Variants in CFAP47 observed in about 807,000 individuals in gnomAD.
The protein encoded by CFAP47 is cilia and flagella associated protein 47, also known as cilia- and flagella-associated protein 47.
CFAP47 carries 29 observed loss-of-function variants against 148.1 expected under a neutral mutation model. The ratio of observed to expected loss-of-function variants is 0.20; its 90% confidence interval spans 0.15 to 0.27. The LOEUF (loss-of-function observed/expected upper bound fraction) is 0.27, where lower values mean the gene tolerates loss of function less well. Among genes scored for constraint, CFAP47 ranks in the 10% least tolerant of loss-of-function variants. The pLI is 1.00. For missense variants in CFAP47, 1,872 were observed against 1,697.5 expected (o/e 1.10, Z -1.81); for synonymous variants, 664 against 577.3 (o/e 1.15, Z -2.15).
intron 39 of CFAP47, among the ~76,000 whole-genome samples, chrX:36,166,436 C>T (rs1421981346): frequency 9.0e-6 from 1 of 111,090 alleles, no homozygotes; most frequent in Non-Finnish European, 1.9e-5. Context: ...CCAAAATTTC[C>T]ATTTGTTTCT....
intron 33 of CFAP47, among the ~76,000 whole-genome samples, chrX:36,131,925 A>G (rs1208388152): frequency 1.8e-5 from 2 of 111,194 alleles, no homozygotes; most frequent in Non-Finnish European, 3.8e-5. Context: ...TTAAAAGAAG[A>G]TAGTAGTGAT....
At chrX:36,131,860 A>G (rs1005920735) in intron 33 of CFAP47, among the ~76,000 whole-genome samples, 1 of 111,121 alleles carries the variant, frequency 9.0e-6, no homozygotes, top group Non-Finnish European at 1.9e-5. Flanking sequence ...GAAGAGAGAA[A>G]TGAGAAGTGA....
At chrX:36,119,562 G>T (rs1938702736) in intron 33 of CFAP47, among the ~76,000 whole-genome samples, 1 of 111,368 alleles carries the variant, frequency 9.0e-6, no homozygotes, top group Admixed American at 9.6e-5. Flanking sequence ...TATCAGGGTA[G>T]TATTGGCCTT....
chrX:35,976,856 G>A (rs774621920), intron 15 of CFAP47, among the ~76,000 whole-genome samples: 2 of 111,427 alleles, frequency 1.8e-5, no homozygotes, highest in Non-Finnish European at 3.8e-5. Context: ...TACCATTTTT[G>A]ACGTGCCCTG....
rs190968618 is a variant in CFAP47, at chrX:36,277,621, G to A, written c.7445-2866G>A. On this transcript the variant is annotated intron_variant, in intron 49 of 63. Transcript: ENST00000378653. ...TACAAATAAAACAGAAACAAAATTT[G>A]TATGAAGCAATACTTTCTTTACTAT... Among the ~76,000 whole-genome samples the A allele has an allele frequency of 1.9e-3, 219 of 112,333 alleles. 1 individual carries two copies. Among genetic ancestry groups the A allele is most frequent in the African/African-American group, 6.4e-3 (198 of 30,927 alleles).
chrX:36,377,932 AT>A (rs1158525907), intron 62 of CFAP47, among the ~76,000 whole-genome samples: 1 of 111,854 alleles, frequency 8.9e-6, no homozygotes, highest in East Asian at 2.8e-4. Context: ...GCCCGAAGTC[AT>A]CCATCTAAAT....
At chrX:36,125,159 ATAAT>A (rs1008577651) in intron 33 of CFAP47, among the ~76,000 whole-genome samples, 14 of 112,077 alleles carry the variant, frequency 1.2e-4, no homozygotes, top group African/African-American at 4.5e-4. Flanking sequence ...TTTTTGTATG[ATAAT>A]TTATTTAAAA....
chrX:36,318,430 A>T (rs1941453687), intron 56 of CFAP47, among the ~76,000 whole-genome samples: 1 of 111,892 alleles, frequency 8.9e-6, no homozygotes, highest in South Asian at 3.7e-4. Flanking sequence ...AGAACCCCCA[A>T]GGATATCACA....
At chrX:36,275,316 C>T (rs1326656839) in intron 49 of CFAP47, among the ~76,000 whole-genome samples, 4 of 109,827 alleles carry the variant, frequency 3.6e-5, no homozygotes, top group Admixed American at 9.8e-5. Flanking sequence ...TTAAGCTATC[C>T]ACCCACCTCA....
At chrX:36,312,871 G>A (rs1941404556) in intron 56 of CFAP47, among the ~76,000 whole-genome samples, 1 of 111,085 alleles carries the variant, frequency 9.0e-6, no homozygotes, top group Non-Finnish European at 1.9e-5. Context: ...TGAGACAAAG[G>A]AAGATTCACA....
At chrX:35,933,646 G>C (rs1465801208) in intron 2 of CFAP47, among the ~76,000 whole-genome samples, 1 of 111,994 alleles carries the variant, frequency 8.9e-6, no homozygotes, top group Non-Finnish European at 1.9e-5. Context: ...CCTCCAAACT[G>C]TTCTCCTTTG....
At chrX:35,924,557 A>G (rs780509532) in intron 1 of CFAP47, among the ~76,000 whole-genome samples, 160 of 100,793 alleles carry the variant, frequency 1.6e-3, no homozygotes, top group African/African-American at 3.6e-3. Flanking sequence ...ATGTGTATAT[A>G]TGCGCATATA....
intron 2 of CFAP47, among the ~76,000 whole-genome samples, chrX:35,933,628 T>G (rs188471286): frequency 4.5e-5 from 5 of 112,060 alleles, no homozygotes; most frequent in African/African-American, 1.3e-4. Context: ...TTATAGTTTT[T>G]TGAGGAGCCT....
At chrX:35,963,689 G>T (rs890144901) in intron 8 of CFAP47, among the ~76,000 whole-genome samples, 4 of 110,631 alleles carry the variant, frequency 3.6e-5, no homozygotes, top group Non-Finnish European at 7.6e-5. Flanking sequence ...TAGATATTTT[G>T]TAATATACCA....
At chrX:36,227,115 C>T (rs1269719411) in intron 45 of CFAP47, among the ~76,000 whole-genome samples, 1 of 111,420 alleles carries the variant, frequency 9.0e-6, no homozygotes, top group African/African-American at 3.3e-5. Context: ...ATACCTCTCT[C>T]AGGATAAAAG....
At chrX:36,051,204 G>T (rs1937519092) in intron 26 of CFAP47, among the ~76,000 whole-genome samples, 3 of 111,142 alleles carry the variant, frequency 2.7e-5, no homozygotes, top group African/African-American at 9.8e-5. Flanking sequence ...GTGAGAAGAG[G>T]CCCACCATCC....
intron 1 of CFAP47, 119 bp from the exon 2 acceptor site, chrX:35,925,898 G>A (rs759792185): frequency 2.8e-5 from 14 of 500,404 alleles, no homozygotes; most frequent in East Asian, 1.1e-4. Context: ...CTCATGATTC[G>A]CTGGCCTCCA....
At chrX:36,168,432 T>A (rs1414969294) in intron 39 of CFAP47, among the ~76,000 whole-genome samples, 1 of 112,367 alleles carries the variant, frequency 8.9e-6, no homozygotes, top group Non-Finnish European at 1.9e-5. Flanking sequence ...AATTTCAATA[T>A]AACTCAGAAA....
At position 36,319,255 on chromosome X, in the gene CFAP47, C is replaced by A; in HGVS notation, c.8391C>A (p.Ser2797Arg). The A allele has an allele frequency of 8.8e-7, 1 of 1,133,261 alleles. No homozygotes were observed. Among genetic ancestry groups the A allele is most frequent in the Non-Finnish European group, 1.2e-6 (1 of 850,611 alleles). 93.4% of individuals were successfully genotyped at this position (1,133,261 alleles called of 1,213,427 possible). The change falls in exon 57 of 64, where the codon AGC (serine) becomes AGA (arginine). Residue 2797 changes from serine (S) to arginine (R), a missense_variant. Physicochemically the swap from Ser to Arg is moderately radical, Grantham distance 110. Coordinates refer to ENST00000378653, the MANE Select transcript of CFAP47 (RefSeq NM_001304548.2). ...RNLVMDHCWD[S>R]FIYESSAFRF... ...TTGTCATGGATCATTGCTGGGATAG[C>A]TTCATCTATGAGAGTTCTGCCTTCA...
Sources: allele counts gnomAD v4.1 joint callset (sites outside exome capture counted in the v4.1 genomes callset), GRCh38; gene constraint gnomAD v4.1.1; transcripts MANE v1.5; gene names NCBI Gene and HGNC (gene_info 2026-07-23, HGNC 2026-07-21).